Variants in TACC2 observed in about 807,000 individuals in gnomAD.
TACC2 encodes the protein transforming acidic coiled-coil-containing protein 2.
In TACC2, 137 loss-of-function variants were observed where a neutral mutation model predicts 227.3. The ratio of observed to expected loss-of-function variants is 0.60; its 90% CI spans 0.52 to 0.69. TACC2 has a LOEUF of 0.69. Among genes scored for constraint, TACC2 ranks in the 30% least tolerant of loss-of-function variants. The pLI is 0.00. For missense variants in TACC2, 3,470 were observed against 3,694.4 expected, an observed-to-expected ratio of 0.94 and a Z score of 1.57; for synonymous variants, 1,523 against 1,487.5, an observed-to-expected ratio of 1.02 and a Z score of -0.55.
intron 16 of TACC2, among the ~76,000 whole-genome samples, chr10:122,236,870 T>G (rs1232854266): frequency 6.6e-6 from 1 of 152,246 alleles, no homozygotes; most frequent in Non-Finnish European, 1.5e-5. Flanking sequence ...ACAACTACAG[T>G]AGGCTTTAAG....
chr10:122,168,051 T>A (rs1265728699), intron 7 of TACC2, among the ~76,000 whole-genome samples: 1 of 26,860 alleles, frequency 3.7e-5, no homozygotes, highest in Non-Finnish European at 5.8e-5. Context: ...CATGCCCAGC[T>A]TTTTTTTTTT....
At chr10:122,095,943 C>T (rs1164868630) in intron 5 of TACC2, among the ~76,000 whole-genome samples, 1 of 152,218 alleles carries the variant, frequency 6.6e-6, no homozygotes, top group Non-Finnish European at 1.5e-5. Flanking sequence ...CCACACAGGA[C>T]AACCCAACTG....
chr10:122,036,486 C>T (rs1293584858), intron 2 of TACC2, among the ~76,000 whole-genome samples: 1 of 143,736 alleles, frequency 7.0e-6, no homozygotes, highest in Non-Finnish European at 1.5e-5. Context: ...CGCCACCGTG[C>T]CTGGCAATCC....
At chr10:122,029,617 A>G (rs139342645) in intron 2 of TACC2, among the ~76,000 whole-genome samples, 44 of 152,296 alleles carry the variant, frequency 2.9e-4, no homozygotes, top group African/African-American at 8.4e-4. Context: ...TAAGCACTCT[A>G]TGGGCCAAAC....
At chr10:122,216,094 G>T (rs1390354958) in intron 10 of TACC2, among the ~76,000 whole-genome samples, 1 of 152,210 alleles carries the variant, frequency 6.6e-6, no homozygotes, top group African/African-American at 2.4e-5. Context: ...TGGCCAGAGT[G>T]GGGGCAGTGG....
chr10:122,208,301 G>T (rs903783468), intron 8 of TACC2, among the ~76,000 whole-genome samples: 1 of 152,168 alleles, frequency 6.6e-6, no homozygotes, highest in African/African-American at 2.4e-5. Flanking sequence ...GACCAGTCAA[G>T]GGGGAAACAA....
At chr10:122,130,012 G>C (rs2087732298) in intron 5 of TACC2, among the ~76,000 whole-genome samples, 1 of 152,106 alleles carries the variant, frequency 6.6e-6, no homozygotes, top group Non-Finnish European at 1.5e-5. Context: ...TTCTGCCTAG[G>C]ATCAATACGG....
intron 19 of TACC2, among the ~76,000 whole-genome samples, chr10:122,244,746 T>G (rs934632462): frequency 1.3e-5 from 2 of 152,140 alleles, no homozygotes; most frequent in Admixed American, 6.5e-5. Flanking sequence ...ACTGTAGTCG[T>G]ATTTTGAAGT....
At chr10:122,044,731 A>AT (rs1410490446) in intron 2 of TACC2, among the ~76,000 whole-genome samples, 2 of 148,374 alleles carry the variant, frequency 1.3e-5, no homozygotes, top group African/African-American at 5.0e-5. Flanking sequence ...TACAAAGTAT[A>AT]TTTTTTAGGA....
chr10:122,024,476 A>G (rs1957743914), intron 2 of TACC2, among the ~76,000 whole-genome samples: 2 of 152,296 alleles, frequency 1.3e-5, no homozygotes, highest in South Asian at 4.1e-4. Context: ...ACTGACACGG[A>G]TACAGTCAAG....
At chr10:122,022,068 G>A in intron 2 of TACC2, 54 bp downstream of exon 2, 1 of 1,591,594 alleles carries the variant, frequency 6.3e-7, no homozygotes, top group Non-Finnish European at 8.6e-7. Flanking sequence ...GGCAGACCTT[G>A]ACTAGGTTCT....
chr10:122,172,255 C>T (rs2093509791), intron 7 of TACC2, among the ~76,000 whole-genome samples: 1 of 152,212 alleles, frequency 6.6e-6, no homozygotes, highest in African/African-American at 2.4e-5. Context: ...TGAAGCTTGA[C>T]ATTTAGAAAA....
intron 5 of TACC2, among the ~76,000 whole-genome samples, chr10:122,101,723 CTTTTTTTTTTTT>C (rs1179126977): frequency 1.8e-5 from 1 of 55,726 alleles, no homozygotes; most frequent in Non-Finnish European, 3.0e-5. Context: ...CCATGCCCAG[CTTTTTTTTTTTT>C]TTTTTTTTTT....
At chr10:122,124,383 T>G (rs1010349397) in intron 5 of TACC2, among the ~76,000 whole-genome samples, 1 of 152,208 alleles carries the variant, frequency 6.6e-6, no homozygotes, top group East Asian at 1.9e-4. Flanking sequence ...TCGGCTCCAC[T>G]GCCTGCATTT....
intron 3 of TACC2, among the ~76,000 whole-genome samples, chr10:122,057,573 C>A (rs946216180): frequency 6.6e-6 from 1 of 152,064 alleles, no homozygotes; most frequent in South Asian, 2.1e-4. Context: ...GAGGCCGAGG[C>A]GGGCAGATCA....
At chr10:122,204,220 C>T (rs2095024554) in intron 8 of TACC2, among the ~76,000 whole-genome samples, 1 of 151,684 alleles carries the variant, frequency 6.6e-6, no homozygotes, top group Non-Finnish European at 1.5e-5. Flanking sequence ...ATTTTTCTAA[C>T]TGCCTTCTTT....
chr10:122,199,709 A>C (rs960930824), intron 8 of TACC2, among the ~76,000 whole-genome samples: 1 of 152,192 alleles, frequency 6.6e-6, no homozygotes, highest in Admixed American at 6.5e-5. Context: ...TCACACGGCT[A>C]TCAACGTAAC....
At chr10:122,014,766 CCT>C in intron 1 of TACC2, among the ~76,000 whole-genome samples, 1 of 152,240 alleles carries the variant, frequency 6.6e-6, no homozygotes, top group Non-Finnish European at 1.5e-5. Context: ...CATGGTTCTG[CCT>C]ACCCATTTCT....
intron 5 of TACC2, among the ~76,000 whole-genome samples, chr10:122,116,629 A>T (rs1418232554): frequency 6.6e-6 from 1 of 152,216 alleles, no homozygotes; most frequent in Non-Finnish European, 1.5e-5. Flanking sequence ...CTTGATAAAC[A>T]AACTGTAAAG....
Sources: allele counts gnomAD v4.1 joint callset (sites outside exome capture counted in the v4.1 genomes callset), GRCh38; gene constraint gnomAD v4.1.1; transcripts MANE v1.5; gene names NCBI Gene and HGNC (gene_info 2026-07-23, HGNC 2026-07-21).